Variants in GRM8 observed in about 807,000 individuals in gnomAD.
GRM8 encodes the protein metabotropic glutamate receptor 8.
GRM8 carries 47 observed loss-of-function variants against 87.2 expected under a neutral mutation model. That is an observed-to-expected ratio of 0.54 (90% confidence interval 0.43 to 0.69). GRM8 has a LOEUF of 0.69. Ranked by LOEUF, GRM8 falls within the 30% of genes least tolerant of loss-of-function variation. The probability of loss-of-function intolerance (pLI) is 0.00; values close to 1 mark genes in which losing one functional copy is unlikely to be tolerated. For synonymous variants in GRM8, 396 were observed against 404.5 expected (o/e 0.98, Z 0.25); for missense variants, 1,019 against 1,139.2 (o/e 0.89, Z 1.52).
chr7:127,147,753 CTT>C (rs1458954758), intron 2 of GRM8, among the ~76,000 whole-genome samples: 4 of 141,672 alleles, frequency 2.8e-5, no homozygotes, highest in Middle Eastern at 3.5e-3. Flanking sequence ...TCCTTTTACA[CTT>C]ATATGTCAAG....
intron 2 of GRM8, among the ~76,000 whole-genome samples, chr7:127,220,204 T>C (rs1373771656): frequency 6.6e-6 from 1 of 152,156 alleles, no homozygotes; most frequent in Non-Finnish European, 1.5e-5. Context: ...CTTCCCAACT[T>C]TATCTTTTCT....
chr7:126,572,311 G>A (rs554490932), intron 8 of GRM8, among the ~76,000 whole-genome samples: 1 of 152,174 alleles, frequency 6.6e-6, no homozygotes, highest in Non-Finnish European at 1.5e-5. Context: ...AGTATTATTT[G>A]GTTAAGAGAA....
chr7:126,527,118 G>C (rs1181366372), intron 9 of GRM8, among the ~76,000 whole-genome samples: 2 of 152,196 alleles, frequency 1.3e-5, no homozygotes, highest in Non-Finnish European at 2.9e-5. Context: ...CAGCACTTTG[G>C]GAGGCCGAGG....
intron 2 of GRM8, 42 bp from the exon 3 acceptor site, chr7:127,106,754 T>G (rs374446259): frequency 2.9e-6 from 4 of 1,367,286 alleles, no homozygotes; most frequent in Non-Finnish European, 4.2e-6. Flanking sequence ...ATGACGAATC[T>G]TGAAGAATGA....
chr7:126,954,496 T>A (rs942775436), intron 3 of GRM8, among the ~76,000 whole-genome samples: 27 of 152,152 alleles, frequency 1.8e-4, no homozygotes, highest in Non-Finnish European at 1.3e-4. Flanking sequence ...ATACTAAAAA[T>A]TATTTGTTAT....
At chr7:126,768,930 A>AAAAAAAAAAAAC (rs1563168866) in intron 7 of GRM8, among the ~76,000 whole-genome samples, 1 of 146,628 alleles carries the variant, frequency 6.8e-6, no homozygotes, top group African/African-American at 2.5e-5. Flanking sequence ...AAAAATGCAA[A>AAAAAAAAAAAAC]AAAAAAAAAA....
intron 2 of GRM8, among the ~76,000 whole-genome samples, chr7:127,177,875 TGACA>T (rs749109603): frequency 5.9e-5 from 9 of 152,304 alleles, no homozygotes; most frequent in Non-Finnish European, 1.2e-4. Context: ...ATCTTCCCTC[TGACA>T]GAGGCCACCC....
At chr7:127,121,012 T>C (rs988394440) in intron 2 of GRM8, among the ~76,000 whole-genome samples, 3 of 152,124 alleles carry the variant, frequency 2.0e-5, no homozygotes, top group African/African-American at 7.2e-5. Flanking sequence ...AACAGATGAG[T>C]TTTTGAAAAA....
At chr7:127,156,948 T>C (rs1357264503) in intron 2 of GRM8, among the ~76,000 whole-genome samples, 4 of 152,192 alleles carry the variant, frequency 2.6e-5, no homozygotes, top group Non-Finnish European at 5.9e-5. Context: ...GCAGAAATTA[T>C]CTCATAAGGT....
intron 3 of GRM8, among the ~76,000 whole-genome samples, chr7:126,986,210 G>C (rs1162200898): frequency 6.6e-6 from 1 of 151,740 alleles, no homozygotes; most frequent in Non-Finnish European, 1.5e-5. Flanking sequence ...GTAGAGACAG[G>C]GTCTTTCAAC....
intron 2 of GRM8, among the ~76,000 whole-genome samples, chr7:127,156,979 T>TA (rs1160096551): frequency 6.6e-6 from 1 of 152,096 alleles, no homozygotes; most frequent in Non-Finnish European, 1.5e-5. Flanking sequence ...AAAAAAGATA[T>TA]AAAGTGTAAT....
rs138773238 is a variant in GRM8, at chr7:126,450,603, A to G, written c.2431-4231T>C. On this transcript the variant is annotated intron_variant, in intron 9 of 10. Transcript: ENST00000339582. ...TTTTTAGCAGCCAATGGACTTCAAA[A>G]TACCATTTACTACTAGAAGTGATTT... 3.7e-3 allele frequency among the ~76,000 whole-genome samples: 559 copies of G among 151,634 alleles called. 4 individuals are homozygous for G. Among genetic ancestry groups the G allele is most frequent in the African/African-American group, 0.013 (535 of 41,490 alleles).
intron 8 of GRM8, among the ~76,000 whole-genome samples, chr7:126,564,693 A>C (rs756308312): frequency 1.3e-5 from 2 of 152,184 alleles, no homozygotes; most frequent in Non-Finnish European, 2.9e-5. Context: ...CTATTCCAAA[A>C]AAACTGAAGA....
chr7:127,218,409 C>T (rs753634585), intron 2 of GRM8, among the ~76,000 whole-genome samples: 1 of 152,212 alleles, frequency 6.6e-6, no homozygotes, highest in African/African-American at 2.4e-5. Flanking sequence ...GCTCTAGCAT[C>T]GGACTTGATG....
chr7:126,693,597 A>T (rs2151377794), intron 7 of GRM8, among the ~76,000 whole-genome samples: 1 of 152,268 alleles, frequency 6.6e-6, no homozygotes, highest in South Asian at 2.1e-4. Context: ...CTAACATAAA[A>T]AGCTTTTAAA....
At chr7:126,827,335 C>T (rs1370912679) in intron 6 of GRM8, among the ~76,000 whole-genome samples, 1 of 152,112 alleles carries the variant, frequency 6.6e-6, no homozygotes, top group Non-Finnish European at 1.5e-5. Flanking sequence ...ATATTTTCTT[C>T]CCATCCATGA....
intron 9 of GRM8, among the ~76,000 whole-genome samples, chr7:126,531,306 A>G (rs538290114): frequency 3.3e-5 from 5 of 152,336 alleles, no homozygotes; most frequent in African/African-American, 1.2e-4. Flanking sequence ...ACATTCAACT[A>G]TATTATAAAT....
chr7:126,469,323 C>T (rs1804871160), intron 9 of GRM8, among the ~76,000 whole-genome samples: 1 of 152,142 alleles, frequency 6.6e-6, no homozygotes, highest in East Asian at 1.9e-4. Context: ...TCCTTTCATT[C>T]TTTTCTGAAC....
In GRM8 at chr7:126,713,986, T is replaced by C. The variant is rs115257943; in HGVS notation, c.1357+55879A>G. On this transcript the variant is annotated intron_variant, in intron 7 of 10. Coordinates refer to ENST00000339582, the MANE Select transcript of GRM8 (RefSeq NM_000845.3). ...GCAGAAGGTAATTCAATAATGATAG[T>C]ATTGGCTGGGCACGGTGGCTCACAC... is the stretch of plus-strand genomic sequence containing the variant. 9.2e-3 allele frequency among the ~76,000 whole-genome samples: 1,388 copies of C among 151,444 alleles called. 22 individuals carry two copies. The highest frequency in any genetic ancestry group is 0.032 in the African/African-American group (1,310 of 41,246).
Sources: gnomAD v4.1 joint callset for allele counts (sites outside exome capture counted in the v4.1 genomes callset) on GRCh38, gnomAD v4.1.1 for gene constraint, MANE v1.5 for transcripts, NCBI Gene and HGNC (gene_info 2026-07-23, HGNC 2026-07-21) for gene names.